SNX29: variants seen among roughly 807,000 people sequenced by gnomAD.
The protein encoded by SNX29 is sorting nexin 29.
SNX29 carries 78 observed loss-of-function variants against 102.1 expected under a neutral mutation model. The ratio of observed to expected loss-of-function variants is 0.76; its 90% confidence interval spans 0.64 to 0.92. SNX29 has a LOEUF of 0.92. Among genes scored for constraint, SNX29 ranks in the 40% least tolerant of loss-of-function variants. SNX29 has a pLI of 0.00. For synonymous variants in SNX29, 580 were observed against 414.5 expected (o/e 1.40, Z -4.85); for missense variants, 1,280 against 1,061.7 (o/e 1.21, Z -2.86).
chr16:12,490,067 A>C (rs2088466961), intron 19 of SNX29, among the ~76,000 whole-genome samples: 1 of 152,114 alleles, frequency 6.6e-6, no homozygotes, highest in African/African-American at 2.4e-5. Flanking sequence ...CAGCCTCCCA[A>C]AGTGCTGGGA....
At chr16:12,504,311 T>A (rs1387943226) in intron 19 of SNX29, among the ~76,000 whole-genome samples, 1 of 152,218 alleles carries the variant, frequency 6.6e-6, no homozygotes. Context: ...TTTTAGTATA[T>A]TTCCAGAATT....
chr16:12,451,553 T>G (rs2086300313), intron 18 of SNX29, among the ~76,000 whole-genome samples: 1 of 152,232 alleles, frequency 6.6e-6, no homozygotes, highest in African/African-American at 2.4e-5. Flanking sequence ...AAGGCTGCCA[T>G]GCACTGGTTG....
intron 13 of SNX29, chr16:12,135,567 G>C (rs944533422): frequency 7.5e-7 from 1 of 1,332,342 alleles, no homozygotes; most frequent in Non-Finnish European, 9.9e-7. Context: ...TTGCTATTTT[G>C]TGAGGAGATT....
intron 11 of SNX29, among the ~76,000 whole-genome samples, chr16:12,084,929 A>G (rs1041394917): frequency 1.3e-5 from 2 of 151,960 alleles, no homozygotes; most frequent in Non-Finnish European, 2.9e-5. Flanking sequence ...AATTACCTGG[A>G]TATGGTGGTG....
At chr16:12,454,587 G>T (rs550377833) in intron 18 of SNX29, among the ~76,000 whole-genome samples, 1 of 152,148 alleles carries the variant, frequency 6.6e-6, no homozygotes, top group Non-Finnish European at 1.5e-5. Context: ...AGCGAACATC[G>T]AAAATAACCC....
At chr16:12,224,203 G>T (rs915551837) in intron 14 of SNX29, among the ~76,000 whole-genome samples, 2 of 152,166 alleles carry the variant, frequency 1.3e-5, no homozygotes, top group African/African-American at 4.8e-5. Flanking sequence ...TTCAGGAGTC[G>T]AGTAGATGTG....
intron 20 of SNX29, among the ~76,000 whole-genome samples, chr16:12,567,161 G>A (rs1024774102): frequency 6.6e-6 from 1 of 152,176 alleles, no homozygotes; most frequent in Non-Finnish European, 1.5e-5. Context: ...TACAGCTGGG[G>A]GTGGATGTTC....
chr16:12,205,157 G>T (rs958567223), intron 14 of SNX29, among the ~76,000 whole-genome samples: 1 of 152,200 alleles, frequency 6.6e-6, no homozygotes, highest in Non-Finnish European at 1.5e-5. Flanking sequence ...AGGGGAGCTT[G>T]CAGGGTAACT....
At chr16:12,494,856 A>G (rs79660355) in intron 19 of SNX29, among the ~76,000 whole-genome samples, 1,738 of 152,326 alleles carry the variant, frequency 0.011, 34 homozygotes, top group African/African-American at 0.039. Context: ...TCCTATCCGC[A>G]GAAAATAAAC....
At chr16:12,527,222 G>C in intron 20 of SNX29, 1 of 533,996 alleles carries the variant, frequency 1.9e-6, no homozygotes, top group South Asian at 1.5e-5. Flanking sequence ...GGGTAATGAT[G>C]GATCAGCCAC....
chr16:12,241,245 G>A (rs1267067285), intron 14 of SNX29, among the ~76,000 whole-genome samples: 1 of 152,132 alleles, frequency 6.6e-6, no homozygotes, highest in Non-Finnish European at 1.5e-5. Flanking sequence ...CATTGGCCTG[G>A]TAGTCTCTTA....
chr16:12,426,948 C>T (rs1054600436), intron 18 of SNX29, among the ~76,000 whole-genome samples: 2 of 151,972 alleles, frequency 1.3e-5, no homozygotes, highest in Non-Finnish European at 2.9e-5. Flanking sequence ...TTACAGGGCC[C>T]GAGCCACCAT....
chr16:12,468,300 G>C (rs2087165782), intron 18 of SNX29, among the ~76,000 whole-genome samples: 1 of 147,464 alleles, frequency 6.8e-6, no homozygotes, highest in South Asian at 2.2e-4. Context: ...TCAGCCTCCC[G>C]AGTACCTGGG....
At chr16:12,405,976 G>A (rs1470749408) in intron 18 of SNX29, among the ~76,000 whole-genome samples, 1 of 151,900 alleles carries the variant, frequency 6.6e-6, no homozygotes, top group Non-Finnish European at 1.5e-5. Context: ...AGATTGCAGT[G>A]AGCCGAGATC....
intron 19 of SNX29, among the ~76,000 whole-genome samples, chr16:12,515,943 C>T (rs867352078): frequency 1.5e-4 from 23 of 152,134 alleles, no homozygotes; most frequent in Non-Finnish European, 2.6e-4. Flanking sequence ...CAGGCAGCCC[C>T]TCCTTTCTCC....
chr16:12,402,944 G>T (rs76017500), intron 17 of SNX29, among the ~76,000 whole-genome samples: 2 of 152,104 alleles, frequency 1.3e-5, no homozygotes, highest in Non-Finnish European at 2.9e-5. Context: ...TCCTGAGCTC[G>T]TTTGTGGAGT....
At chr16:12,017,566 T>G (rs2056888076) in intron 3 of SNX29, among the ~76,000 whole-genome samples, 1 of 152,232 alleles carries the variant, frequency 6.6e-6, no homozygotes, top group Non-Finnish European at 1.5e-5. Context: ...ATTAATTCTG[T>G]GAACCTTAAA....
intron 19 of SNX29, among the ~76,000 whole-genome samples, chr16:12,505,138 T>C (rs2089314014): frequency 6.6e-6 from 1 of 152,186 alleles, no homozygotes; most frequent in Admixed American, 6.5e-5. Flanking sequence ...AAAAAGAGAC[T>C]CCTACTGTGA....
intron 20 of SNX29, among the ~76,000 whole-genome samples, chr16:12,525,820 G>A (rs921927671): frequency 3.3e-5 from 5 of 151,466 alleles, no homozygotes; most frequent in African/African-American, 7.3e-5. Flanking sequence ...ACTTCTTTTC[G>A]CCTGCCACAT....
Sources: gnomAD v4.1 joint callset for allele counts (sites outside exome capture counted in the v4.1 genomes callset) on GRCh38, gnomAD v4.1.1 for gene constraint, MANE v1.5 for transcripts, NCBI Gene and HGNC (gene_info 2026-07-23, HGNC 2026-07-21) for gene names.